TOP6BL: variants seen among roughly 807,000 people sequenced by gnomAD.
TOP6BL encodes the protein TOP6B like initiator of meiotic double strand breaks, also known as type 2 DNA topoisomerase 6 subunit B-like.
At chr11:66,825,333 C>CA in the TOP6BL span, among the ~76,000 whole-genome samples, 2 of 147,860 alleles carry the variant, frequency 1.4e-5, no homozygotes. Flanking sequence ...AAAAAAAATA[C>CA]AAAAAAAATT....
the TOP6BL span, among the ~76,000 whole-genome samples, chr11:66,779,121 A>G: frequency 1.3e-5 from 2 of 152,218 alleles, no homozygotes; most frequent in Admixed American, 1.3e-4. Context: ...TTCATGTCTA[A>G]AACACCAAAA....
the TOP6BL span, among the ~76,000 whole-genome samples, chr11:66,813,221 C>T: frequency 1.3e-5 from 2 of 152,126 alleles, no homozygotes; most frequent in Non-Finnish European, 2.9e-5. Flanking sequence ...CAGGTATTAT[C>T]TGGATATTTG....
the TOP6BL span, among the ~76,000 whole-genome samples, chr11:66,751,481 C>G: frequency 6.6e-6 from 1 of 151,552 alleles, no homozygotes; most frequent in Non-Finnish European, 1.5e-5. Context: ...GCGTGAGCCA[C>G]CGTGCCTGGC....
chr11:66,793,234 C>T, the TOP6BL span, among the ~76,000 whole-genome samples: 11 of 151,140 alleles, frequency 7.3e-5, no homozygotes, highest in East Asian at 1.9e-4. Context: ...TACAGGTGCA[C>T]GCCATCTGTA....
the TOP6BL span, among the ~76,000 whole-genome samples, chr11:66,752,947 G>T: frequency 6.6e-6 from 1 of 151,890 alleles, no homozygotes; most frequent in Non-Finnish European, 1.5e-5. Flanking sequence ...TGGGCGACAC[G>T]GTGAAACCCC....
the TOP6BL span, among the ~76,000 whole-genome samples, chr11:66,756,768 G>C: frequency 6.6e-6 from 1 of 152,128 alleles, no homozygotes; most frequent in Non-Finnish European, 1.5e-5. Context: ...GTGGAGTGCA[G>C]TGGTGCCATC....
the TOP6BL span, among the ~76,000 whole-genome samples, chr11:66,764,040 A>G: frequency 2.6e-5 from 4 of 152,200 alleles, no homozygotes; most frequent in African/African-American, 9.7e-5. Context: ...AGGTAGTTAT[A>G]GTAGTGAACA....
chr11:66,793,521 C>T, the TOP6BL span, among the ~76,000 whole-genome samples: 1 of 144,724 alleles, frequency 6.9e-6, no homozygotes, highest in Non-Finnish European at 1.5e-5. Flanking sequence ...TCTTGGCTCA[C>T]TGCAACCTCC....
At chr11:66,800,795 T>C in the TOP6BL span, 1 of 1,133,538 alleles carries the variant, frequency 8.8e-7, no homozygotes, top group Non-Finnish European at 1.3e-6. Context: ...TTTGATATCT[T>C]GACCCAAAGT....
At chr11:66,820,797 A>G in the TOP6BL span, among the ~76,000 whole-genome samples, 19 of 152,194 alleles carry the variant, frequency 1.2e-4, no homozygotes, top group Admixed American at 1.2e-3. Flanking sequence ...TTCTGCTATG[A>G]ATTAAACAGG....
chr11:66,803,475 C>A, the TOP6BL span, among the ~76,000 whole-genome samples: 1 of 152,174 alleles, frequency 6.6e-6, no homozygotes, highest in Admixed American at 6.6e-5. Flanking sequence ...GTTGCTCAGG[C>A]TGGAGTGCAG....
the TOP6BL span, among the ~76,000 whole-genome samples, chr11:66,749,529 C>G: frequency 6.6e-6 from 1 of 152,118 alleles, no homozygotes; most frequent in African/African-American, 2.4e-5. Context: ...CATTTCTCTT[C>G]TCTTTATTGT....
chr11:66,762,231 A>AG, the TOP6BL span: 1 of 590,166 alleles, frequency 1.7e-6, no homozygotes. Context: ...GCGAGGCCGC[A>AG]GGGGGCCCGG....
At chr11:66,788,299 T>G in the TOP6BL span, 1 of 1,424,984 alleles carries the variant, frequency 7.0e-7, no homozygotes, top group South Asian at 1.2e-5. Context: ...TATAAATTAC[T>G]AATGATTTTA....
the TOP6BL span, among the ~76,000 whole-genome samples, chr11:66,798,352 C>T: frequency 6.6e-6 from 1 of 152,082 alleles, no homozygotes; most frequent in Admixed American, 6.5e-5. Context: ...GTAATCCCAG[C>T]ACTTTGGGAG....
the TOP6BL span, among the ~76,000 whole-genome samples, chr11:66,770,406 G>A: frequency 6.6e-6 from 1 of 152,050 alleles, no homozygotes; most frequent in Admixed American, 6.6e-5. Flanking sequence ...AAAAATGCAA[G>A]TCAAAAACAT....
the TOP6BL span, among the ~76,000 whole-genome samples, chr11:66,824,157 C>T: frequency 1.4e-4 from 22 of 152,206 alleles, no homozygotes; most frequent in East Asian, 2.3e-3. Flanking sequence ...TCCTAACCCC[C>T]GAACTGATAA....
At chr11:66,787,777 C>G in the TOP6BL span, among the ~76,000 whole-genome samples, 2 of 150,682 alleles carry the variant, frequency 1.3e-5, no homozygotes, top group African/African-American at 2.4e-5. Context: ...CAGCCTTCAG[C>G]TCTAAATTAG....
chr11:66,824,331 C>T, the TOP6BL span, among the ~76,000 whole-genome samples: 4 of 151,426 alleles, frequency 2.6e-5, no homozygotes, highest in East Asian at 1.9e-4. Context: ...CCGCAACCTC[C>T]GCCTCCTGGG....
Sources: gnomAD v4.1 joint callset for allele counts (sites outside exome capture counted in the v4.1 genomes callset) on GRCh38, gnomAD v4.1.1 for gene constraint, MANE v1.5 for transcripts, NCBI Gene and HGNC (gene_info 2026-07-23, HGNC 2026-07-21) for gene names.